PELI2: variants seen among roughly 807,000 people sequenced by gnomAD.
PELI2 encodes E3 ubiquitin-protein ligase pellino homolog 2.
A neutral mutation model predicts 42.3 loss-of-function variants in PELI2; 23 were observed. The observed-to-expected ratio is 0.54, with a 90% CI of 0.39 to 0.77. PELI2 has a LOEUF of 0.77. PELI2 is among the 30% of genes least tolerant of loss of function. The pLI, the probability that PELI2 is intolerant of heterozygous loss-of-function variation, is 0.00. For missense variants in PELI2, 463 were observed against 553.2 expected (o/e 0.84, Z 1.64); for synonymous variants, 245 against 212.2 (o/e 1.15, Z -1.34).
chr14:56,266,925 AT>A, intron 2 of PELI2, among the ~76,000 whole-genome samples: 1 of 152,114 alleles, frequency 6.6e-6, no homozygotes, highest in Non-Finnish European at 1.5e-5. Context: ...TATATAGACA[AT>A]TCTATAAGTT....
intron 3 of PELI2, among the ~76,000 whole-genome samples, chr14:56,281,783 CTAAG>C (rs1006069384): frequency 2.6e-5 from 4 of 152,078 alleles, no homozygotes; most frequent in Admixed American, 6.5e-5. Context: ...AAAAAGGAAA[CTAAG>C]TAACTCTTAA....
At chr14:56,170,806 C>G (rs1885138722) in intron 1 of PELI2, among the ~76,000 whole-genome samples, 3 of 152,328 alleles carry the variant, frequency 2.0e-5, no homozygotes, top group Middle Eastern at 3.4e-3. Context: ...AATACCCTTA[C>G]TGTAAAGACC....
chr14:56,200,814 G>A (rs1886308797), intron 2 of PELI2, among the ~76,000 whole-genome samples: 1 of 152,094 alleles, frequency 6.6e-6, no homozygotes, highest in Non-Finnish European at 1.5e-5. Flanking sequence ...ATTTTCATTA[G>A]TTGTCTTACA....
intron 2 of PELI2, among the ~76,000 whole-genome samples, chr14:56,222,574 C>A (rs952113796): frequency 2.6e-5 from 4 of 152,170 alleles, no homozygotes; most frequent in African/African-American, 9.7e-5. Flanking sequence ...AAAAGTGTTT[C>A]ATCAAAGGCA....
chr14:56,183,368 A>T (rs1337710774), intron 2 of PELI2, among the ~76,000 whole-genome samples: 1 of 152,200 alleles, frequency 6.6e-6, no homozygotes, highest in Non-Finnish European at 1.5e-5. Context: ...AATAAACATA[A>T]ATCATTTTCC....
rs145179841 is a variant in PELI2 at position 56,132,081 on chromosome 14, A to G, written c.77+13344A>G. Among the ~76,000 whole-genome samples the G allele has an allele frequency of 3.0e-3, 451 of 152,242 alleles. 3 individuals are homozygous for G. The highest frequency in any genetic ancestry group is 0.01 in the African/African-American group (430 of 41,538). On this transcript the variant is annotated intron_variant, in intron 1 of 5. Coordinates refer to ENST00000267460, the MANE Select transcript of PELI2 (RefSeq NM_021255.3). ...TCTTGCCCAGTGTGAGAGGCTTATA[A>G]AGGGGCCCAGGCTCCTGCCACATGC...
chr14:56,200,424 G>A (rs192500386), intron 2 of PELI2, among the ~76,000 whole-genome samples: 21 of 152,270 alleles, frequency 1.4e-4, no homozygotes, highest in African/African-American at 4.8e-4. Context: ...TCACACAGCC[G>A]GTGAGAAGTG....
At chr14:56,213,218 G>A (rs769084311) in intron 2 of PELI2, among the ~76,000 whole-genome samples, 6 of 152,228 alleles carry the variant, frequency 3.9e-5, no homozygotes, top group African/African-American at 7.2e-5. Context: ...GATGGAAATG[G>A]AAACTGTCAG....
chr14:56,184,619 G>T lies in PELI2; in HGVS notation c.207+6155G>T, dbSNP rs1225432069. Reference sequence around the variant, plus strand: ...TCCAATAAATAAGGGATTTTCATAAGGCTTGGATGGTAATAGAAATAGTGA... The same window carrying T: ...TCCAATAAATAAGGGATTTTCATAATGCTTGGATGGTAATAGAAATAGTGA... On this transcript the variant is annotated intron_variant, in intron 2 of 5. Transcript: ENST00000267460. 2.6e-5 allele frequency among the ~76,000 whole-genome samples: 4 copies of T among 151,982 alleles called. No homozygotes were observed. The East Asian group carries it at 5.8e-4, about 22-fold the overall frequency.
intron 2 of PELI2, among the ~76,000 whole-genome samples, chr14:56,244,768 A>G (rs1412057333): frequency 1.3e-5 from 2 of 152,270 alleles, no homozygotes; most frequent in Non-Finnish European, 2.9e-5. Flanking sequence ...GGAATAAGGT[A>G]TGAAATAAAA....
At chr14:56,181,723 A>T (rs968860716) in intron 2 of PELI2, among the ~76,000 whole-genome samples, 1 of 152,182 alleles carries the variant, frequency 6.6e-6, no homozygotes, top group African/African-American at 2.4e-5. Context: ...ATCCAGGCTA[A>T]GTCAAATGAG....
intron 3 of PELI2, among the ~76,000 whole-genome samples, chr14:56,281,130 G>A (rs193057355): frequency 5.9e-5 from 9 of 152,174 alleles, no homozygotes; most frequent in Admixed American, 2.0e-4. Context: ...GAATTTCAGC[G>A]CTCAGACCAA....
intron 3 of PELI2, among the ~76,000 whole-genome samples, chr14:56,287,664 A>AAT (rs1231395725): frequency 1.3e-5 from 2 of 152,228 alleles, no homozygotes; most frequent in Admixed American, 1.3e-4. Flanking sequence ...TGATAAAAAA[A>AAT]CAAAAGAAAA....
intron 2 of PELI2, among the ~76,000 whole-genome samples, chr14:56,264,604 A>G (rs1888833882): frequency 6.6e-6 from 1 of 152,220 alleles, no homozygotes; most frequent in African/African-American, 2.4e-5. Flanking sequence ...AGTGGACACC[A>G]TTGTTCTGAA....
chr14:56,133,011 A>G (rs1204010991), intron 1 of PELI2, among the ~76,000 whole-genome samples: 1 of 152,188 alleles, frequency 6.6e-6, no homozygotes, highest in African/African-American at 2.4e-5. Context: ...TGTATACTAA[A>G]TGGTATATTA....
intron 5 of PELI2, among the ~76,000 whole-genome samples, chr14:56,292,203 C>G (rs1243128791): frequency 6.6e-6 from 1 of 152,176 alleles, no homozygotes; most frequent in African/African-American, 2.4e-5. Flanking sequence ...AAGTTAGTCC[C>G]TATAAGCGAC....
chr14:56,174,128 C>T (rs541749871), intron 1 of PELI2, among the ~76,000 whole-genome samples: 4 of 152,290 alleles, frequency 2.6e-5, no homozygotes, highest in African/African-American at 7.2e-5. Flanking sequence ...GTTTCGAACT[C>T]CTGACCTCAA....
rs1433726216 is a variant in PELI2, at chr14:56,219,884, T to C, written c.207+41420T>C. 6.6e-6 allele frequency among the ~76,000 whole-genome samples: 1 copy of C among 152,218 alleles called. No individual in the cohort carries two copies. The highest frequency in any genetic ancestry group is 1.5e-5 in the Non-Finnish European group (1 of 68,036). On this transcript the variant is annotated intron_variant, in intron 2 of 5. Coordinates refer to ENST00000267460, the MANE Select transcript of PELI2 (RefSeq NM_021255.3). The surrounding 1 kb of genome is among the most constrained non-coding windows in gnomAD (Gnocchi z 4.1). ...AAAGAGTCCCTTGTTATGTCTTTAATGGATGCAGCCTCCTTAAAACAGCTC... is the reference window on the plus strand; with the variant it reads ...AAAGAGTCCCTTGTTATGTCTTTAACGGATGCAGCCTCCTTAAAACAGCTC...
At chr14:56,156,526 G>A (rs1884571931) in intron 1 of PELI2, among the ~76,000 whole-genome samples, 1 of 152,132 alleles carries the variant, frequency 6.6e-6, no homozygotes, top group South Asian at 2.1e-4. Context: ...TAGCATTCAC[G>A]GTTCTTCTGC....
Sources: gnomAD v4.1 joint callset for allele counts (sites outside exome capture counted in the v4.1 genomes callset) on GRCh38, gnomAD v4.1.1 for gene constraint, Gnocchi (gnomAD v3.1) non-coding constraint, MANE v1.5 for transcripts, NCBI Gene and HGNC (gene_info 2026-07-23, HGNC 2026-07-21) for gene names.